Variants in TOX observed in about 807,000 individuals in gnomAD.
TOX encodes the protein thymocyte selection associated high mobility group box, also known as thymocyte selection-associated high mobility group box protein TOX.
A neutral mutation model predicts 53.7 loss-of-function variants in TOX; 11 were observed. That is an observed-to-expected ratio of 0.20 (90% CI 0.13 to 0.34). The LOEUF (loss-of-function observed/expected upper bound fraction) is 0.34. TOX is among the 10% of genes least tolerant of loss of function. The pLI, the probability that TOX is intolerant of heterozygous loss-of-function variation, is 1.00. For missense variants in TOX, 570 were observed against 664.6 expected (o/e 0.86, Z 1.56); for synonymous variants, 225 against 245.3 (o/e 0.92, Z 0.77).
Position 59,041,073 on chromosome 8 carries a change from C to CGTGTGTGTGT in TOX, c.102+77803_102+77812dup, listed in dbSNP as rs61657323. 6.7e-3 allele frequency among the ~76,000 whole-genome samples: 965 copies of CGTGTGTGTGT among 143,896 alleles called. 6 individuals are homozygous for CGTGTGTGTGT. Among genetic ancestry groups the CGTGTGTGTGT allele is most frequent in the African/African-American group, 0.016 (618 of 38,730 alleles). The allele number at this position is 143,896 out of a possible 152,430, so 94.4% of individuals were successfully genotyped here. On this transcript the variant is annotated intron_variant, in intron 1 of 8. Coordinates refer to ENST00000361421, the MANE Select transcript of TOX (RefSeq NM_014729.3). ...AGGAGGCACTTCATAAAAGGGACTC[C>CGTGTGTGTGT]GTGTGTGTGTGTGTGTGTGTGTGTG...
chr8:58,980,152 C>T (rs1288916747), intron 1 of TOX, among the ~76,000 whole-genome samples: 1 of 152,106 alleles, frequency 6.6e-6, no homozygotes, highest in African/African-American at 2.4e-5. Flanking sequence ...GATGGGCCAG[C>T]CTTATTAAAT....
intron 2 of TOX, among the ~76,000 whole-genome samples, chr8:58,957,419 A>T (rs1812728933): frequency 6.6e-6 from 1 of 152,220 alleles, no homozygotes; most frequent in South Asian, 2.1e-4. Context: ...ATCAGTTACA[A>T]AACTATATGC....
chr8:58,848,301 T>G (rs1307261081), intron 4 of TOX, among the ~76,000 whole-genome samples: 2 of 151,796 alleles, frequency 1.3e-5, no homozygotes, highest in Non-Finnish European at 2.9e-5. Flanking sequence ...AGAGCAATCT[T>G]AAAGAAGATG....
intron 1 of TOX, among the ~76,000 whole-genome samples, chr8:58,988,397 G>T (rs973119660): frequency 6.6e-6 from 1 of 152,152 alleles, no homozygotes; most frequent in African/African-American, 2.4e-5. Context: ...GCCGTTCCCT[G>T]ATACAATGGC....
intron 1 of TOX, among the ~76,000 whole-genome samples, chr8:58,965,464 T>C (rs1812876368): frequency 2.0e-5 from 3 of 152,106 alleles, no homozygotes; most frequent in African/African-American, 7.2e-5. Flanking sequence ...ACATAGCGAA[T>C]GACGAGCAAA....
At chr8:58,886,854 AT>A (rs1421285122) in intron 3 of TOX, among the ~76,000 whole-genome samples, 1 of 151,312 alleles carries the variant, frequency 6.6e-6, no homozygotes, top group African/African-American at 2.4e-5. Flanking sequence ...GTTTATTTTT[AT>A]TTTATTTTAT....
chr8:58,933,880 C>T (rs1048066052), intron 3 of TOX, among the ~76,000 whole-genome samples: 1 of 152,188 alleles, frequency 6.6e-6, no homozygotes, highest in African/African-American at 2.4e-5. Flanking sequence ...CCAACAAGCT[C>T]AGTGTGGATC....
intron 2 of TOX, among the ~76,000 whole-genome samples, chr8:58,940,116 G>A (rs779351866): frequency 2.0e-5 from 3 of 152,164 alleles, no homozygotes; most frequent in Non-Finnish European, 2.9e-5. Context: ...GCCATTAAGA[G>A]CTATTTTTAT....
At chr8:59,071,734 G>C (rs1003763233) in intron 1 of TOX, among the ~76,000 whole-genome samples, 2 of 152,168 alleles carry the variant, frequency 1.3e-5, no homozygotes, top group Admixed American at 1.3e-4. Context: ...ATGTGACTAT[G>C]AAAACTTATG....
At chr8:58,827,386 G>GCTCT (rs1810383267) in intron 5 of TOX, among the ~76,000 whole-genome samples, 1 of 152,204 alleles carries the variant, frequency 6.6e-6, no homozygotes, top group Non-Finnish European at 1.5e-5. Context: ...ACAGAAGGGA[G>GCTCT]AGTGCAGGTT....
chr8:59,033,590 A>T (rs1164322766), intron 1 of TOX, among the ~76,000 whole-genome samples: 1 of 152,212 alleles, frequency 6.6e-6, no homozygotes, highest in Non-Finnish European at 1.5e-5. Flanking sequence ...CCACTATTAC[A>T]AGAAAGGAGG....
chr8:58,973,378 A>C (rs925424410), intron 1 of TOX, among the ~76,000 whole-genome samples: 1 of 152,252 alleles, frequency 6.6e-6, no homozygotes, highest in African/African-American at 2.4e-5. Flanking sequence ...GTAGGTTATA[A>C]ACAGTACTTT....
At chr8:59,103,013 C>G (rs994010137) in intron 1 of TOX, among the ~76,000 whole-genome samples, 2 of 152,166 alleles carry the variant, frequency 1.3e-5, no homozygotes, top group Non-Finnish European at 2.9e-5. Flanking sequence ...ACTTGACTAT[C>G]TCCTGCCATC....
At chr8:59,029,014 A>C (rs943607596) in intron 1 of TOX, among the ~76,000 whole-genome samples, 1 of 152,176 alleles carries the variant, frequency 6.6e-6, no homozygotes, top group Admixed American at 6.5e-5. Flanking sequence ...ATCAGCATAC[A>C]AATAGATAAT....
chr8:59,098,745 G>T lies in TOX; in HGVS notation c.102+20141C>A, dbSNP rs567230652. Among the ~76,000 whole-genome samples the T allele has an allele frequency of 1.7e-3, 256 of 152,280 alleles. 1 individual carries two copies. Among genetic ancestry groups the T allele is most frequent in the Non-Finnish European group, 3.2e-3 (215 of 68,016 alleles). ...TTGCTAAATCCCTGGATTCTTCCCA[G>T]CTCTCTGAGACCTGTCCTCCTGTAG... is the stretch of plus-strand genomic sequence containing the variant. On this transcript the variant is annotated intron_variant, in intron 1 of 8. Coordinates refer to ENST00000361421, the MANE Select transcript of TOX (RefSeq NM_014729.3).
At chr8:58,930,910 T>C (rs1812244352) in intron 3 of TOX, among the ~76,000 whole-genome samples, 1 of 152,222 alleles carries the variant, frequency 6.6e-6, no homozygotes, top group Non-Finnish European at 1.5e-5. Context: ...TTCTTACTTA[T>C]GGACATACTT....
intron 2 of TOX, among the ~76,000 whole-genome samples, chr8:58,944,789 G>T (rs1180405427): frequency 1.3e-5 from 2 of 152,144 alleles, no homozygotes; most frequent in African/African-American, 4.8e-5. Context: ...CATGCCATGG[G>T]TTGGGTCATG....
At chr8:59,048,609 GAATTGAGCCAAAAAAT>G (rs1207448010) in intron 1 of TOX, among the ~76,000 whole-genome samples, 1 of 152,156 alleles carries the variant, frequency 6.6e-6, no homozygotes, top group Non-Finnish European at 1.5e-5. Flanking sequence ...TATCGGGAAT[GAATTGAGCCAAAAAAT>G]AAAGGGTGGG....
chr8:59,007,058 A>T (rs1256003653), intron 1 of TOX, among the ~76,000 whole-genome samples: 1 of 152,212 alleles, frequency 6.6e-6, no homozygotes, highest in African/African-American at 2.4e-5. Flanking sequence ...TGCAAAGTTT[A>T]AGAGAAGCTA....
Sources: allele counts gnomAD v4.1 joint callset (sites outside exome capture counted in the v4.1 genomes callset), GRCh38; gene constraint gnomAD v4.1.1; transcripts MANE v1.5; gene names NCBI Gene and HGNC (gene_info 2026-07-23, HGNC 2026-07-21).